The following ALCAM variants were observed in gnomAD, a reference collection of about 807,000 sequenced individuals.
The protein encoded by ALCAM is CD166 antigen.
ALCAM carries 30 observed loss-of-function variants against 70.9 expected under a neutral mutation model. That is an observed-to-expected ratio of 0.42 (90% CI 0.32 to 0.57). ALCAM has a LOEUF of 0.57. ALCAM is among the 20% of genes least tolerant of loss of function. The pLI, the probability that ALCAM is intolerant of heterozygous loss-of-function variation, is 0.11. For synonymous variants in ALCAM, 249 were observed against 242.5 expected, an observed-to-expected ratio of 1.03 and a Z score of -0.25; for missense variants, 591 against 695.1, an observed-to-expected ratio of 0.85 and a Z score of 1.68.
At chr3:105,537,025 C>G (rs1465040763) in intron 6 of ALCAM, among the ~76,000 whole-genome samples, 3 of 151,926 alleles carry the variant, frequency 2.0e-5, no homozygotes, top group Non-Finnish European at 4.4e-5. Flanking sequence ...AACCACTGCT[C>G]TAGGAAGACT....
rs558535510 is a variant in ALCAM at position 105,483,344 on chromosome 3, A to C, written c.74-36723A>C. On this transcript the variant is annotated intron_variant, in intron 1 of 15. Transcript: ENST00000306107. ...TAAAGAGAGGAAAGGGTGGGAGGAC[A>C]GATACCAGATATCAGTAAAAGAAAG... 2.6e-5 allele frequency among the ~76,000 whole-genome samples: 4 copies of C among 152,286 alleles called. No individual in the cohort carries two copies. In the East Asian group the frequency reaches 7.7e-4, roughly 29 times the overall value.
rs563146073 is a variant in ALCAM, at chr3:105,524,123, G to A, written c.175-166G>A. On this transcript the variant is annotated intron_variant, in intron 2 of 15. Transcript: ENST00000306107. ...TCATTATGGCTTCTCTCTTATGAAG[G>A]ATTTTCTGTAATCAAATATTTACGT... 2.0e-4 allele frequency among the ~76,000 whole-genome samples: 31 copies of A among 152,122 alleles called. 2 individuals carry two copies. Among genetic ancestry groups the A allele is most frequent in the Admixed American group, 2.0e-3 (31 of 15,282 alleles).
chr3:105,375,805 A>T (rs538000852), intron 1 of ALCAM, among the ~76,000 whole-genome samples: 1 of 152,218 alleles, frequency 6.6e-6, no homozygotes, highest in Non-Finnish European at 1.5e-5. Flanking sequence ...TCTTCTGTAC[A>T]TGCAAACTAA....
chr3:105,448,878 T>C (rs762893117), intron 1 of ALCAM, among the ~76,000 whole-genome samples: 1 of 152,184 alleles, frequency 6.6e-6, no homozygotes, highest in Non-Finnish European at 1.5e-5. Flanking sequence ...CTGTGGCAAC[T>C]GGATTCTGCC....
intron 3 of ALCAM, among the ~76,000 whole-genome samples, chr3:105,531,774 A>G (rs1939844728): frequency 6.6e-6 from 1 of 152,196 alleles, no homozygotes; most frequent in Admixed American, 6.6e-5. Flanking sequence ...CATTATTTAT[A>G]TTTTATTCAA....
At chr3:105,513,813 T>G (rs570256401) in intron 1 of ALCAM, among the ~76,000 whole-genome samples, 67 of 152,008 alleles carry the variant, frequency 4.4e-4, no homozygotes, top group Non-Finnish European at 8.2e-4. Flanking sequence ...TAACATTTTA[T>G]TGCATTTTAT....
chr3:105,367,970 G>A (rs1935112081), intron 1 of ALCAM, among the ~76,000 whole-genome samples: 1 of 151,954 alleles, frequency 6.6e-6, no homozygotes, highest in Non-Finnish European at 1.5e-5. Flanking sequence ...GGTAGAGAAG[G>A]AGAGGACTTT....
intron 6 of ALCAM, among the ~76,000 whole-genome samples, chr3:105,536,107 T>G (rs1457906475): frequency 6.6e-6 from 1 of 150,924 alleles, no homozygotes; most frequent in African/African-American, 2.4e-5. Flanking sequence ...TTTTTTTTTT[T>G]GTGTGAGACA....
chr3:105,448,345 A>G (rs1049529138), intron 1 of ALCAM, among the ~76,000 whole-genome samples: 1 of 152,174 alleles, frequency 6.6e-6, no homozygotes, highest in African/African-American at 2.4e-5. Context: ...TTAAGCTAAA[A>G]GAAAATAATT....
chr3:105,421,357 G>A (rs1232801054), intron 1 of ALCAM, among the ~76,000 whole-genome samples: 1 of 151,318 alleles, frequency 6.6e-6, no homozygotes, highest in Non-Finnish European at 1.5e-5. Context: ...GTGGTCCATA[G>A]CAATTTAATT....
chr3:105,476,556 G>C (rs549254002), intron 1 of ALCAM, among the ~76,000 whole-genome samples: 1 of 151,896 alleles, frequency 6.6e-6, no homozygotes, highest in South Asian at 2.1e-4. Context: ...GTTCCAGTTA[G>C]TATATTTATT....
At chr3:105,539,204 G>A (rs1381264630) in intron 6 of ALCAM, among the ~76,000 whole-genome samples, 2 of 152,010 alleles carry the variant, frequency 1.3e-5, no homozygotes, top group Admixed American at 6.6e-5. Context: ...ATAGGTTAGT[G>A]GATCATTTCT....
chr3:105,431,959 A>C (rs73181387), intron 1 of ALCAM, among the ~76,000 whole-genome samples: 21,387 of 152,168 alleles, frequency 0.14, 1,588 homozygotes, highest in Middle Eastern at 0.18. Context: ...GTATGTTTCC[A>C]ATATGAATGA....
Position 105,539,726 on chromosome 3 carries a change from C to G in ALCAM, c.731-249C>G, listed in dbSNP as rs553848451. ...AAAATAATTACCACCATTCCTACCT[C>G]AGTTAAAGACATTTTGCTAAGAAGA... is the stretch of plus-strand genomic sequence containing the variant. On this transcript the variant is annotated intron_variant, in intron 6 of 15. Transcript: ENST00000306107. Among the ~76,000 whole-genome samples, 10 of 152,146 alleles carry G rather than the reference C, an allele frequency of 6.6e-5. No individual in the cohort carries two copies. The South Asian group carries it at 2.1e-3, about 32-fold the overall frequency.
At chr3:105,392,940 T>G (rs760888357) in intron 1 of ALCAM, among the ~76,000 whole-genome samples, 1 of 151,454 alleles carries the variant, frequency 6.6e-6, no homozygotes, top group Non-Finnish European at 1.5e-5. Context: ...GCAAAATTAT[T>G]GTAACAACAG....
intron 1 of ALCAM, among the ~76,000 whole-genome samples, chr3:105,443,257 C>A (rs908991862): frequency 1.3e-5 from 2 of 152,116 alleles, no homozygotes; most frequent in Non-Finnish European, 2.9e-5. Flanking sequence ...AGAAGACATG[C>A]CTATATTCCC....
intron 6 of ALCAM, 56 bp downstream of exon 6, chr3:105,534,901 T>C (rs1397734995): frequency 6.8e-7 from 1 of 1,475,836 alleles, no homozygotes; most frequent in South Asian, 1.3e-5. Context: ...AATATTCAAA[T>C]GCTATTAATC....
At chr3:105,497,477 A>G (rs1576202649) in intron 1 of ALCAM, among the ~76,000 whole-genome samples, 1 of 152,222 alleles carries the variant, frequency 6.6e-6, no homozygotes, top group South Asian at 2.1e-4. Context: ...TTTTTAAGTG[A>G]AACAGCATGG....
intron 1 of ALCAM, among the ~76,000 whole-genome samples, chr3:105,448,968 C>G (rs1251814080): frequency 6.6e-6 from 1 of 152,090 alleles, no homozygotes; most frequent in Non-Finnish European, 1.5e-5. Flanking sequence ...CTTTTAGGCT[C>G]TTTGAATTTA....
Sources: gnomAD v4.1 joint callset for allele counts (sites outside exome capture counted in the v4.1 genomes callset) on GRCh38, gnomAD v4.1.1 for gene constraint, MANE v1.5 for transcripts, NCBI Gene and HGNC (gene_info 2026-07-23, HGNC 2026-07-21) for gene names.